The following KIF21A variants were observed in gnomAD, a reference collection of about 807,000 sequenced individuals.
The protein encoded by KIF21A is kinesin-like protein KIF21A.
Under a neutral mutation model 202.9 loss-of-function variants are expected in KIF21A, and 114 were observed. That is an observed-to-expected ratio of 0.56 (90% CI 0.48 to 0.66). KIF21A has a LOEUF of 0.66. KIF21A is among the 30% of genes least tolerant of loss of function. The pLI is 0.00. For synonymous variants in KIF21A, 667 were observed against 670.8 expected, an observed-to-expected ratio of 0.99 and a Z score of 0.09; for missense variants, 1,677 against 1,994.9, an observed-to-expected ratio of 0.84 and a Z score of 3.04.
Position 39,309,472 on chromosome 12 carries a change from C to T in KIF21A, c.4277+114G>A, listed in dbSNP as rs112675055. ...ACTTTAATATCCTCTGGGAAGTGGA[C>T]AGGTATACAAAAATTAAAATGCATT... On this transcript the variant is annotated intron_variant, in intron 33 of 37. Transcript: ENST00000361418. 5.4e-4 allele frequency: 386 copies of T among 717,442 alleles called. 2 individuals are homozygous for T. In the African/African-American group the frequency reaches 6.2e-3, roughly 11 times the overall value. 44.4% of individuals were successfully genotyped at this position (717,442 alleles called of 1,614,324 possible). A position where few individuals can be genotyped will look rare whatever the true frequency, so the allele number is the denominator to read the frequency against.
intron 1 of KIF21A, among the ~76,000 whole-genome samples, chr12:39,380,213 C>T (rs1950528852): frequency 6.6e-6 from 1 of 152,238 alleles, no homozygotes; most frequent in Non-Finnish European, 1.5e-5. Flanking sequence ...GGCAATCCGC[C>T]TGCCTCAGCC....
rs941655419 is a variant in KIF21A at position 39,401,232 on chromosome 12, A to T, written c.45-30971T>A. On this transcript the variant is annotated intron_variant, in intron 1 of 37. Transcript: ENST00000361418. ...GGTAAAGGCCAGACAGTATATAGTA[A>T]GCAAGGAAAAATAGACATTCATAAG... 1.4e-4 allele frequency among the ~76,000 whole-genome samples: 21 copies of T among 152,336 alleles called. No individual in the cohort carries two copies. The South Asian group carries it at 2.9e-3, about 21-fold the overall frequency.
chr12:39,338,044 C>G (rs997120000), intron 16 of KIF21A, among the ~76,000 whole-genome samples: 50 of 151,990 alleles, frequency 3.3e-4, no homozygotes, highest in Admixed American at 2.7e-3. Context: ...TATAAAGCAG[C>G]CTCAGGCAAG....
chr12:39,422,231 G>A (rs868310621), intron 1 of KIF21A, among the ~76,000 whole-genome samples: 7 of 151,684 alleles, frequency 4.6e-5, no homozygotes, highest in African/African-American at 7.3e-5. Flanking sequence ...AAAGTGCTAC[G>A]ATTACATGCA....
At chr12:39,342,732 T>C (rs911934005) in intron 12 of KIF21A, among the ~76,000 whole-genome samples, 2 of 152,156 alleles carry the variant, frequency 1.3e-5, no homozygotes, top group Non-Finnish European at 2.9e-5. Context: ...CAATGTGTCT[T>C]TGCATACCAA....
intron 17 of KIF21A, 26 bp downstream of exon 17, chr12:39,337,070 A>G (rs1947041942): frequency 6.9e-7 from 1 of 1,444,704 alleles, no homozygotes; most frequent in Non-Finnish European, 9.7e-7. Flanking sequence ...ATTTTCTTAT[A>G]TAACTGAGAG....
intron 1 of KIF21A, among the ~76,000 whole-genome samples, chr12:39,385,672 A>G (rs1486514278): frequency 1.3e-5 from 2 of 152,110 alleles, no homozygotes; most frequent in African/African-American, 4.8e-5. Context: ...TACATTACAC[A>G]TTTCTCTCAC....
chr12:39,315,768 A>G, intron 30 of KIF21A, 164 bp downstream of exon 30: 2 of 718,000 alleles, frequency 2.8e-6, no homozygotes, highest in Non-Finnish European at 5.2e-6. Context: ...AGGTATGACC[A>G]CAAAAATGTA....
chr12:39,363,087 TC>T lies in KIF21A; in HGVS notation c.1019+10del. On this transcript the variant is annotated intron_variant, in intron 7 of 37. Coordinates refer to ENST00000361418, the MANE Select transcript of KIF21A (RefSeq NM_001173464.2). Reference sequence around the variant, plus strand: ...CAAAAGTCTGAGTAGAGGATAATCATCTATGCATACCTATTACCCCCGAGGG... The same window carrying T: ...CAAAAGTCTGAGTAGAGGATAATCATTATGCATACCTATTACCCCCGAGGG... 7.0e-7 allele frequency: 1 copy of T among 1,432,554 alleles called. No homozygotes were observed. 88.7% of individuals were successfully genotyped at this position (1,432,554 alleles called of 1,614,324 possible).
chr12:39,322,699 G>T lies in KIF21A; in HGVS notation c.3640C>A (p.Pro1214Thr). Residue 1214 changes from proline (P) to threonine (T), a missense_variant, in exon 27 of 38, where the codon CCA becomes ACA. Coordinates refer to ENST00000361418, the MANE Select transcript of KIF21A (RefSeq NM_001173464.2). ...CCTATCTTAGAAGGTAAGCCAGGTG[G>T]GGGAGAGAGCTCTTTTTCCCTAGCA... ...TSAREKELSP[P>T]PGLPSKIGSI... The T allele has an allele frequency of 6.2e-7, 1 of 1,614,076 alleles. No homozygotes were observed. Among genetic ancestry groups the T allele is most frequent in the Non-Finnish European group, 8.5e-7 (1 of 1,179,976 alleles).
chr12:39,337,923 G>A (rs948901765), intron 16 of KIF21A, among the ~76,000 whole-genome samples: 3 of 152,068 alleles, frequency 2.0e-5, no homozygotes, highest in Non-Finnish European at 2.9e-5. Flanking sequence ...ACACAATTAT[G>A]TATAGTCCAT....
chr12:39,375,158 T>C (rs1385655087), intron 1 of KIF21A, among the ~76,000 whole-genome samples: 2 of 152,144 alleles, frequency 1.3e-5, no homozygotes, highest in African/African-American at 2.4e-5. Context: ...AAACTGGTTT[T>C]AGTGATTGAA....
rs768249226 is a variant in KIF21A at position 39,318,081 on chromosome 12, C to T, written c.3900G>A (p.Gln1300=). The T allele has an allele frequency of 6.2e-7, 1 of 1,612,736 alleles. No homozygotes were observed. Among genetic ancestry groups the T allele is most frequent in the South Asian group, 1.1e-5 (1 of 91,064 alleles). Residue 1300 remains glutamine (Q), a synonymous_variant, in exon 29 of 38, where the codon CAG becomes CAA. Transcript: ENST00000361418. ...LTVSQGNTSV[Q]QDKSDESDSS... ...TTTCCATAATGACTTACTTATCCTG[C>T]TGAACTGATGTGTTTCCCTGAGAAA...
chr12:39,420,074 TAAAAAA>T (rs72435342), intron 1 of KIF21A, among the ~76,000 whole-genome samples: 62 of 83,110 alleles, frequency 7.5e-4, no homozygotes, highest in African/African-American at 2.5e-3. Flanking sequence ...AGACAGAAAG[TAAAAAA>T]AAAAAAAAAA....
Position 39,356,909 on chromosome 12 carries a change from T to C in KIF21A, c.1406-14A>G, listed in dbSNP as rs752356937. On this transcript the variant is annotated splice_polypyrimidine_tract_variant and intron_variant, in intron 9 of 37. Coordinates refer to ENST00000361418, the MANE Select transcript of KIF21A (RefSeq NM_001173464.2). The stretch of plus-strand genomic sequence containing the variant: ...CATTTCCTTCACCTGAAAGACAAAA[T>C]ATGAAATAAAAATTTTCCTTTAAAT... 8 of 1,177,274 alleles carry C rather than the reference T, an allele frequency of 6.8e-6. No homozygotes were observed. In the African/African-American group the frequency reaches 7.6e-5, roughly 11 times the overall value. 72.9% of individuals were successfully genotyped at this position (1,177,274 alleles called of 1,614,324 possible).
chr12:39,301,362 C>T, intron 37 of KIF21A, 118 bp downstream of exon 37: 1 of 893,230 alleles, frequency 1.1e-6, no homozygotes. Flanking sequence ...TTAAAACAGA[C>T]ATTAGAATGA....
intron 1 of KIF21A, among the ~76,000 whole-genome samples, chr12:39,427,467 C>T (rs1472696305): frequency 2.0e-5 from 3 of 152,218 alleles, no homozygotes; most frequent in Admixed American, 6.5e-5. Context: ...ACTTTTACAC[C>T]GCTACTACCT....
At chr12:39,423,983 CAAAAAAAAAAAAAAAAAA>C (rs35526386) in intron 1 of KIF21A, among the ~76,000 whole-genome samples, 70 of 25,674 alleles carry the variant, frequency 2.7e-3, no homozygotes, top group African/African-American at 6.8e-3. Flanking sequence ...GACTCTGTCT[CAAAAAAAAAAAAAAAAAA>C]AAAAAAAAAA....
chr12:39,384,377 A>G (rs900630077), intron 1 of KIF21A, among the ~76,000 whole-genome samples: 1 of 152,188 alleles, frequency 6.6e-6, no homozygotes, highest in African/African-American at 2.4e-5. Flanking sequence ...TCTTCACACA[A>G]CTACAATTTT....
Sources: gnomAD v4.1 joint callset for allele counts (sites outside exome capture counted in the v4.1 genomes callset) on GRCh38, gnomAD v4.1.1 for gene constraint, MANE v1.5 for transcripts, NCBI Gene and HGNC (gene_info 2026-07-23, HGNC 2026-07-21) for gene names.